Variants in C1orf21 observed in about 807,000 individuals in gnomAD.
The protein encoded by C1orf21 is chromosome 1 open reading frame 21.
A neutral mutation model predicts 18.7 loss-of-function variants in C1orf21; 3 were observed. The ratio of observed to expected loss-of-function variants is 0.16; its 90% CI spans 0.07 to 0.42. The LOEUF (loss-of-function observed/expected upper bound fraction) is 0.42. Among genes scored for constraint, C1orf21 ranks in the 10% least tolerant of loss-of-function variants. C1orf21 has a pLI of 0.99. For missense variants in C1orf21, 104 were observed against 143.6 expected, an observed-to-expected ratio of 0.72 and a Z score of 1.41; for synonymous variants, 41 against 46.4, an observed-to-expected ratio of 0.88 and a Z score of 0.47.
intron 1 of C1orf21, among the ~76,000 whole-genome samples, chr1:184,401,915 A>G (rs1453580547): frequency 6.6e-6 from 1 of 152,128 alleles, no homozygotes; most frequent in Non-Finnish European, 1.5e-5. Context: ...TTTTCATGCT[A>G]AGTTTTTAAG....
At chr1:184,499,845 A>C (rs573715036) in intron 2 of C1orf21, among the ~76,000 whole-genome samples, 1 of 152,292 alleles carries the variant, frequency 6.6e-6, no homozygotes, top group South Asian at 2.1e-4. Context: ...AAGTCAAAGC[A>C]GGGGAGAGGA....
intron 4 of C1orf21, among the ~76,000 whole-genome samples, chr1:184,597,009 C>T (rs746989609): frequency 6.2e-4 from 94 of 152,036 alleles, no homozygotes; most frequent in Non-Finnish European, 7.9e-4. Flanking sequence ...GTGCTTGAGA[C>T]GGTGAAAACA....
At chr1:184,555,701 G>C (rs1658868643) in intron 3 of C1orf21, among the ~76,000 whole-genome samples, 2 of 152,108 alleles carry the variant, frequency 1.3e-5, no homozygotes, top group Non-Finnish European at 2.9e-5. Context: ...AAGGAGTTGG[G>C]GGAGGAGGAC....
At chr1:184,559,527 CTT>C (rs1425562849) in intron 3 of C1orf21, among the ~76,000 whole-genome samples, 2 of 123,762 alleles carry the variant, frequency 1.6e-5, no homozygotes, top group African/African-American at 7.3e-5. Flanking sequence ...TCCTTCCTTC[CTT>C]CCTTCCTTCC....
At chr1:184,603,053 A>G (rs1219509038) in intron 5 of C1orf21, among the ~76,000 whole-genome samples, 3 of 152,254 alleles carry the variant, frequency 2.0e-5, no homozygotes, top group Non-Finnish European at 4.4e-5. Flanking sequence ...CACAAATCAT[A>G]TACACAAAAC....
At chr1:184,610,504 T>C (rs1659713764) in intron 5 of C1orf21, among the ~76,000 whole-genome samples, 1 of 152,156 alleles carries the variant, frequency 6.6e-6, no homozygotes, top group African/African-American at 2.4e-5. Context: ...AGAACATCAT[T>C]GAAGTCATCC....
chr1:184,396,968 G>T (rs1656060251), intron 1 of C1orf21, among the ~76,000 whole-genome samples: 1 of 152,202 alleles, frequency 6.6e-6, no homozygotes, highest in Non-Finnish European at 1.5e-5. Context: ...GTGATTGAAA[G>T]AGTTTTTATA....
intron 1 of C1orf21, among the ~76,000 whole-genome samples, chr1:184,458,589 G>T (rs140483619): frequency 0.016 from 2,378 of 152,306 alleles, 32 homozygotes; most frequent in Middle Eastern, 0.027. Context: ...ATTTGAAACA[G>T]CTCCAAAAGT....
chr1:184,526,825 C>T lies in C1orf21; in HGVS notation c.189+19143C>T, dbSNP rs373106957. 1.8e-4 allele frequency among the ~76,000 whole-genome samples: 28 copies of T among 152,182 alleles called. No homozygotes were observed. The East Asian group carries it at 5.2e-3, about 28-fold the overall frequency. Reference sequence around the variant, plus strand: ...ATTCATTCATTCATTCATTCACTCCCTCAACAAGTATTTATTAATCACCAG... The same window carrying T: ...ATTCATTCATTCATTCATTCACTCCTTCAACAAGTATTTATTAATCACCAG... On this transcript the variant is annotated intron_variant, in intron 3 of 5. Transcript: ENST00000235307.
At chr1:184,478,020 A>C (rs1321059383) in intron 2 of C1orf21, among the ~76,000 whole-genome samples, 2 of 152,146 alleles carry the variant, frequency 1.3e-5, no homozygotes, top group East Asian at 1.9e-4. Context: ...TCTACATCAT[A>C]ATTTATACAA....
chr1:184,393,383 A>G (rs1199722747), intron 1 of C1orf21, among the ~76,000 whole-genome samples: 1 of 152,012 alleles, frequency 6.6e-6, no homozygotes, highest in Admixed American at 6.6e-5. Context: ...TCAAGCTTTT[A>G]GATCTTCCAG....
At position 184,627,475 on chromosome 1, in the gene C1orf21, A is replaced by T. The variant is rs1051253493; in HGVS notation, c.*7919A>T. 2 of 152,174 alleles carry T rather than the reference A, an allele frequency of 1.3e-5. No homozygotes were observed. Among genetic ancestry groups the T allele is most frequent in the African/African-American group, 2.4e-5 (1 of 41,430 alleles). The allele number at this position is 152,174 out of a possible 1,614,324, so 9.4% of individuals were successfully genotyped here. The stretch of plus-strand genomic sequence containing the variant: ...CGTTGGTGCTGAAGGCAATTTTCCT[A>T]GCTAAGGGGCACTGGGCCTTGCTGC... On this transcript the variant is annotated 3_prime_UTR_variant, in exon 6 of 6. Transcript: ENST00000235307.
At chr1:184,562,621 G>T (rs750085243) in intron 3 of C1orf21, among the ~76,000 whole-genome samples, 4 of 152,154 alleles carry the variant, frequency 2.6e-5, no homozygotes, top group Non-Finnish European at 5.9e-5. Flanking sequence ...TTGGTAAATT[G>T]TCATTTGTCT....
chr1:184,581,293 G>C (rs1193852752), intron 3 of C1orf21, among the ~76,000 whole-genome samples: 1 of 152,108 alleles, frequency 6.6e-6, no homozygotes, highest in Admixed American at 6.5e-5. Context: ...CAGGCATGGT[G>C]GCATGCATCT....
At chr1:184,463,021 G>A (rs1313622736) in intron 1 of C1orf21, among the ~76,000 whole-genome samples, 1 of 149,076 alleles carries the variant, frequency 6.7e-6, no homozygotes, top group Non-Finnish European at 1.5e-5. Flanking sequence ...GGCGGAGGTT[G>A]CAGTGAGCCG....
At chr1:184,557,559 G>T (rs1658896865) in intron 3 of C1orf21, among the ~76,000 whole-genome samples, 1 of 152,146 alleles carries the variant, frequency 6.6e-6, no homozygotes, top group Non-Finnish European at 1.5e-5. Context: ...TTCCATCCAG[G>T]TTGATGTGAA....
intron 3 of C1orf21, among the ~76,000 whole-genome samples, chr1:184,515,582 T>C (rs1358714110): frequency 6.6e-6 from 1 of 152,208 alleles, no homozygotes; most frequent in African/African-American, 2.4e-5. Flanking sequence ...CTAAAGTAAG[T>C]ATTTTGGCAG....
At chr1:184,467,030 T>C (rs1219875082) in intron 1 of C1orf21, among the ~76,000 whole-genome samples, 2 of 152,194 alleles carry the variant, frequency 1.3e-5, no homozygotes, top group Non-Finnish European at 2.9e-5. Context: ...TTAGGGAGTA[T>C]ATACTAAACA....
At chr1:184,408,182 A>G (rs906242878) in intron 1 of C1orf21, among the ~76,000 whole-genome samples, 1 of 152,232 alleles carries the variant, frequency 6.6e-6, no homozygotes, top group African/African-American at 2.4e-5. Context: ...AAGTGTCCTA[A>G]ATAGAAATTG....
Sources: gnomAD v4.1 joint callset for allele counts (sites outside exome capture counted in the v4.1 genomes callset) on GRCh38, gnomAD v4.1.1 for gene constraint, MANE v1.5 for transcripts, NCBI Gene and HGNC (gene_info 2026-07-23, HGNC 2026-07-21) for gene names.